The following GPC6 variants were observed in gnomAD, a reference collection of about 807,000 sequenced individuals.
The protein encoded by GPC6 is glypican 6.
In GPC6, 14 loss-of-function variants were observed where a neutral mutation model predicts 55.2. The observed-to-expected ratio is 0.25, with a 90% confidence interval of 0.17 to 0.40. GPC6 has a LOEUF of 0.40. GPC6 is among the 10% of genes least tolerant of loss of function. GPC6 has a pLI of 1.00. For missense variants in GPC6, 641 were observed against 708.5 expected, an observed-to-expected ratio of 0.90 and a Z score of 1.08; for synonymous variants, 278 against 259.6, an observed-to-expected ratio of 1.07 and a Z score of -0.68.
chr13:94,401,662 G>GT (rs1881135387), intron 8 of GPC6, among the ~76,000 whole-genome samples: 1 of 2,180 alleles, frequency 4.6e-4, no homozygotes, highest in Non-Finnish European at 8.4e-4. Flanking sequence ...GTATGTGAAC[G>GT]GGTAGTTGGA....
At chr13:94,104,665 A>G (rs1443058263) in intron 4 of GPC6, among the ~76,000 whole-genome samples, 1 of 152,194 alleles carries the variant, frequency 6.6e-6, no homozygotes, top group Non-Finnish European at 1.5e-5. Context: ...ATTCTTATAC[A>G]CCAACAACAG....
chr13:93,259,468 C>T lies in GPC6; in HGVS notation c.160+31852C>T, dbSNP rs1227849560. On this transcript the variant is annotated intron_variant, in intron 1 of 8. Coordinates refer to ENST00000377047, the MANE Select transcript of GPC6 (RefSeq NM_005708.5). ...TTCTCAGGAGTATAGTAATATGATC[C>T]TCATATAGGGTAAATAATGTTTTTG... Among the ~76,000 whole-genome samples the T allele has an allele frequency of 1.7e-4, 26 of 152,052 alleles. 1 individual carries two copies. The highest frequency in any genetic ancestry group is 1.7e-3 in the Admixed American group (26 of 15,268).
chr13:94,023,945 A>G (rs1882796840), intron 3 of GPC6, among the ~76,000 whole-genome samples: 1 of 152,094 alleles, frequency 6.6e-6, no homozygotes, highest in African/African-American at 2.4e-5. Flanking sequence ...AGAGTTGGAA[A>G]ATAGATTAGT....
At position 93,346,718 on chromosome 13, in the gene GPC6, C is replaced by A. The variant is rs138748361; in HGVS notation, c.160+119102C>A. 2.0e-3 allele frequency among the ~76,000 whole-genome samples: 311 copies of A among 152,178 alleles called. 3 individuals carry two copies. The highest frequency in any genetic ancestry group is 7.2e-3 in the African/African-American group (301 of 41,532). On this transcript the variant is annotated intron_variant, in intron 1 of 8. Transcript: ENST00000377047. ...GAGAAAAAAGGACAAAAAGAATGGA[C>A]AGAAAATGGAAACTGAATCTACCAT...
chr13:94,228,065 A>G (rs1395343161), intron 4 of GPC6, among the ~76,000 whole-genome samples: 1 of 152,204 alleles, frequency 6.6e-6, no homozygotes, highest in Non-Finnish European at 1.5e-5. Flanking sequence ...TTCTTACTAT[A>G]AGCTCATTAA....
chr13:93,481,438 T>A (rs1017550877), intron 1 of GPC6, among the ~76,000 whole-genome samples: 1 of 152,100 alleles, frequency 6.6e-6, no homozygotes, highest in Non-Finnish European at 1.5e-5. Flanking sequence ...TTTTCAAATT[T>A]TGTTGTTGTT....
intron 2 of GPC6, among the ~76,000 whole-genome samples, chr13:93,576,786 C>T (rs533396474): frequency 2.0e-5 from 3 of 152,036 alleles, no homozygotes; most frequent in Non-Finnish European, 4.4e-5. Flanking sequence ...ATATAATTTC[C>T]ATCAAGAAAG....
intron 2 of GPC6, among the ~76,000 whole-genome samples, chr13:93,624,444 G>T (rs1355787884): frequency 1.3e-5 from 2 of 152,148 alleles, no homozygotes; most frequent in African/African-American, 4.8e-5. Context: ...TTCAATCTGT[G>T]TTATCTTAAA....
At chr13:93,575,520 A>T (rs1876616169) in intron 2 of GPC6, among the ~76,000 whole-genome samples, 1 of 152,166 alleles carries the variant, frequency 6.6e-6, no homozygotes, top group African/African-American at 2.4e-5. Context: ...CTGAGTAACA[A>T]GTTCCCAGAT....
rs755446817 is a variant in GPC6 at position 93,227,488 on chromosome 13, C to G, written c.32C>G (p.Pro11Arg). ...TCTTGGATCGGGGCTGTGATTCTTCCCCTCTTGGGGCTGCTGCTCTCCCTC... is the reference window on the plus strand; with the variant it reads ...TCTTGGATCGGGGCTGTGATTCTTCGCCTCTTGGGGCTGCTGCTCTCCCTC... The part of the protein sequence containing the change: MPSWIGAVIL[P>R]LLGLLLSLPA... The change falls in exon 1 of 9, where the codon CCC becomes CGC. Residue 11 changes from proline (P) to arginine (R), a missense_variant. Transcript: ENST00000377047. The surrounding 1 kb of genome is among the most constrained non-coding windows in gnomAD (Gnocchi z 4.3). The G allele has an allele frequency of 6.2e-7, 1 of 1,613,966 alleles. No homozygotes were observed. Among genetic ancestry groups the G allele is most frequent in the African/African-American group, 1.3e-5 (1 of 75,050 alleles).
At chr13:93,602,538 T>C (rs1436543267) in intron 2 of GPC6, among the ~76,000 whole-genome samples, 2 of 152,140 alleles carry the variant, frequency 1.3e-5, no homozygotes, top group South Asian at 2.1e-4. Context: ...ACATCTTATG[T>C]AAGGGAAACT....
At chr13:93,873,678 A>G (rs989573013) in intron 3 of GPC6, among the ~76,000 whole-genome samples, 2 of 151,940 alleles carry the variant, frequency 1.3e-5, no homozygotes, top group African/African-American at 4.8e-5. Flanking sequence ...GATGAAAAAA[A>G]TCTGTCAGTA....
chr13:93,316,850 G>C lies in GPC6; in HGVS notation c.160+89234G>C, dbSNP rs533638845. On this transcript the variant is annotated intron_variant, in intron 1 of 8. Transcript: ENST00000377047. ...ATGTTTGTTTCATTGCTCAGCATAC[G>C]TTTTAATGTATTTTGCTTTTCTGAG... Among the ~76,000 whole-genome samples the C allele has an allele frequency of 1.3e-4, 20 of 152,138 alleles. No individual in the cohort carries two copies. In the East Asian group the frequency reaches 1.7e-3, roughly 13 times the overall value.
chr13:93,439,686 T>TA lies in GPC6; in HGVS notation c.161-105574dup, dbSNP rs61658017. 2.4e-3 allele frequency among the ~76,000 whole-genome samples: 314 copies of TA among 128,338 alleles called. 3 individuals are homozygous for TA. The highest frequency in any genetic ancestry group is 8.4e-3 in the African/African-American group (276 of 33,002). 84.2% of individuals were successfully genotyped at this position (128,338 alleles called of 152,430 possible). ...TCAAATAAAATAAAATAAAATAAAA[T>TA]AAATAAAAAAAATAAAATAAAATAA... On this transcript the variant is annotated intron_variant, in intron 1 of 8. Coordinates refer to ENST00000377047, the MANE Select transcript of GPC6 (RefSeq NM_005708.5).
chr13:93,789,606 T>TA (rs1555331675), intron 2 of GPC6, among the ~76,000 whole-genome samples: 84 of 18,208 alleles, frequency 4.6e-3, no homozygotes, highest in African/African-American at 0.014. Flanking sequence ...TACATATATA[T>TA]ATATATATAT....
At chr13:94,186,347 ATGCT>A (rs1889186822) in intron 4 of GPC6, among the ~76,000 whole-genome samples, 1 of 152,182 alleles carries the variant, frequency 6.6e-6, no homozygotes, top group Non-Finnish European at 1.5e-5. Context: ...GAACTTAAAG[ATGCT>A]TGCAAGCCAA....
intron 4 of GPC6, among the ~76,000 whole-genome samples, chr13:94,198,127 G>A (rs761949493): frequency 6.6e-6 from 1 of 152,078 alleles, no homozygotes; most frequent in Non-Finnish European, 1.5e-5. Context: ...TGTTTCAGCT[G>A]TTAAGTACTT....
intron 1 of GPC6, among the ~76,000 whole-genome samples, chr13:93,352,299 T>C (rs933064732): frequency 7.9e-5 from 12 of 152,242 alleles, no homozygotes; most frequent in African/African-American, 2.4e-4. Flanking sequence ...TAAAATTTTA[T>C]TTACAAAAAT....
rs567035844 is a variant in GPC6, at chr13:93,319,580, G to A, written c.160+91964G>A. On this transcript the variant is annotated intron_variant, in intron 1 of 8. Coordinates refer to ENST00000377047, the MANE Select transcript of GPC6 (RefSeq NM_005708.5). ...AAGAGTAGAAGCATTTGAGCATTAA[G>A]GGTGTATCCTAGAAAATAGAACAAG... 3.3e-5 allele frequency among the ~76,000 whole-genome samples: 5 copies of A among 151,984 alleles called. No individual in the cohort carries two copies. In the East Asian group the frequency reaches 9.7e-4, roughly 29 times the overall value.
Sources: allele counts gnomAD v4.1 joint callset (sites outside exome capture counted in the v4.1 genomes callset), GRCh38; gene constraint gnomAD v4.1.1; non-coding constraint Gnocchi (gnomAD v3.1); transcripts MANE v1.5; gene names NCBI Gene and HGNC (gene_info 2026-07-23, HGNC 2026-07-21).